Variants in CACNB2 observed in about 807,000 individuals in gnomAD.
CACNB2 encodes the protein calcium voltage-gated channel auxiliary subunit beta 2.
CACNB2 carries 42 observed loss-of-function variants against 73.3 expected under a neutral mutation model. The ratio of observed to expected loss-of-function variants is 0.57; its 90% CI spans 0.45 to 0.74. The LOEUF is 0.74. CACNB2 is among the 30% of genes least tolerant of loss of function. CACNB2 has a pLI of 0.00. For synonymous variants in CACNB2, 348 were observed against 310.3 expected (o/e 1.12, Z -1.28); for missense variants, 940 against 853.0 (o/e 1.10, Z -1.27).
intron 2 of CACNB2, among the ~76,000 whole-genome samples, chr10:18,178,556 T>G (rs1366664832): frequency 6.6e-6 from 1 of 152,188 alleles, no homozygotes; most frequent in African/African-American, 2.4e-5. Flanking sequence ...TTTTTTTAGC[T>G]TAGAGAAAGG....
At chr10:18,182,590 G>C (rs1223650216) in intron 2 of CACNB2, among the ~76,000 whole-genome samples, 3 of 151,710 alleles carry the variant, frequency 2.0e-5, no homozygotes, top group Non-Finnish European at 4.4e-5. Context: ...GGGAGGCAGA[G>C]GTGGGCAGAT....
Position 18,460,463 on chromosome 10 carries a change from A to G in CACNB2, c.334-37892A>G, listed in dbSNP as rs1245778992. 2.6e-5 allele frequency among the ~76,000 whole-genome samples: 4 copies of G among 152,114 alleles called. 1 individual carries two copies. Among genetic ancestry groups the G allele is most frequent in the Non-Finnish European group, 5.9e-5 (4 of 68,020 alleles). On this transcript the variant is annotated intron_variant, in intron 3 of 13. Coordinates refer to ENST00000324631, the MANE Select transcript of CACNB2 (RefSeq NM_201596.3). ...TTCTAATATGTGTAGGGATATTTCA[A>G]AATTATTTCTATTTTTTCCTGTGGG...
At chr10:18,220,805 G>A (rs2131393758) in intron 2 of CACNB2, among the ~76,000 whole-genome samples, 1 of 152,208 alleles carries the variant, frequency 6.6e-6, no homozygotes, top group South Asian at 2.1e-4. Context: ...TTCCTTATGG[G>A]AATCTAATGT....
intron 3 of CACNB2, among the ~76,000 whole-genome samples, chr10:18,413,771 AG>A (rs1242529917): frequency 1.3e-5 from 2 of 152,226 alleles, no homozygotes; most frequent in African/African-American, 4.8e-5. Flanking sequence ...CATTTGTAAA[AG>A]GACACTAACC....
intron 2 of CACNB2, among the ~76,000 whole-genome samples, chr10:18,237,191 A>G (rs2036478891): frequency 6.6e-6 from 1 of 152,162 alleles, no homozygotes. Flanking sequence ...TTCTGGGTTG[A>G]ATTGTGTTCC....
intron 2 of CACNB2, among the ~76,000 whole-genome samples, chr10:18,380,248 C>T (rs1004619634): frequency 1.3e-5 from 2 of 150,518 alleles, no homozygotes; most frequent in Non-Finnish European, 3.0e-5. Context: ...TTTTGAACCA[C>T]CAAATGGCAT....
chr10:18,475,254 T>G (rs1372431798), intron 3 of CACNB2, among the ~76,000 whole-genome samples: 1 of 151,992 alleles, frequency 6.6e-6, no homozygotes, highest in African/African-American at 2.4e-5. Context: ...TTAGGCACCA[T>G]TGACTAAATC....
At chr10:18,349,726 T>TA (rs58519066) in intron 2 of CACNB2, among the ~76,000 whole-genome samples, 66,418 of 145,480 alleles carry the variant, frequency 0.46, 15,275 homozygotes, top group Admixed American at 0.49. Flanking sequence ...GGAGATGATT[T>TA]AAAAAAAAAA....
At chr10:18,232,918 T>G (rs2036277125) in intron 2 of CACNB2, among the ~76,000 whole-genome samples, 1 of 152,128 alleles carries the variant, frequency 6.6e-6, no homozygotes, top group East Asian at 1.9e-4. Flanking sequence ...AAACCCCAAC[T>G]CTACAAAAAG....
At chr10:18,331,171 A>G (rs1014433881) in intron 2 of CACNB2, among the ~76,000 whole-genome samples, 1 of 150,604 alleles carries the variant, frequency 6.6e-6, no homozygotes, top group African/African-American at 2.4e-5. Context: ...TTTTTAGTAG[A>G]GACGGGGTTT....
chr10:18,421,542 C>T (rs1819796943), intron 3 of CACNB2, among the ~76,000 whole-genome samples: 1 of 152,082 alleles, frequency 6.6e-6, no homozygotes, highest in Non-Finnish European at 1.5e-5. Context: ...TCAGGTGATC[C>T]ACCCACCTCA....
chr10:18,305,203 G>A (rs895646447), intron 2 of CACNB2, among the ~76,000 whole-genome samples: 2 of 152,286 alleles, frequency 1.3e-5, no homozygotes, highest in South Asian at 4.1e-4. Context: ...CTACTTCATG[G>A]ACAGTAAATG....
intron 2 of CACNB2, among the ~76,000 whole-genome samples, chr10:18,285,014 G>A (rs2038725254): frequency 6.6e-6 from 1 of 152,266 alleles, no homozygotes; most frequent in Non-Finnish European, 1.5e-5. Flanking sequence ...TGAGCTAAAT[G>A]TATTGGAGAC....
In CACNB2 at chr10:18,232,388, G is replaced by A. The variant is rs148596924; in HGVS notation, c.213+81413G>A. 5.9e-5 allele frequency among the ~76,000 whole-genome samples: 9 copies of A among 152,158 alleles called. 1 individual carries two copies. In the South Asian group the frequency reaches 1.7e-3, roughly 28 times the overall value. On this transcript the variant is annotated intron_variant, in intron 2 of 13. Coordinates refer to ENST00000324631, the MANE Select transcript of CACNB2 (RefSeq NM_201596.3). The stretch of plus-strand genomic sequence containing the variant: ...CTCATCCAAGATCTGAGCACAGACC[G>A]GGCTCCACAGGTCACAGGTTTAACC...
Position 18,140,774 on chromosome 10 carries a change from C to G in CACNB2, c.38C>G (p.Ala13Gly). ...QRDMSKSPPT[A>G]AAAVAQEIQM... ...GACATGTCCAAGTCGCCTCCCACAG[C>G]GGCGGCGGCGGTGGCGCAGGAGATC... is the stretch of plus-strand genomic sequence containing the variant. Residue 13 changes from alanine to glycine, a missense_variant, in exon 1 of 14, where the codon GCG becomes GGG. Coordinates refer to ENST00000324631, the MANE Select transcript of CACNB2 (RefSeq NM_201596.3). 6.3e-7 allele frequency: 1 copy of G among 1,594,286 alleles called. No individual in the cohort carries two copies.
chr10:18,420,733 T>C (rs1032460422), intron 3 of CACNB2, among the ~76,000 whole-genome samples: 2 of 152,208 alleles, frequency 1.3e-5, no homozygotes, highest in African/African-American at 4.8e-5. Flanking sequence ...GACCATAAAA[T>C]TAGCCATCAC....
intron 1 of CACNB2, 130 bp downstream of exon 1, chr10:18,140,986 C>T (rs894021550): frequency 1.5e-5 from 23 of 1,521,364 alleles, no homozygotes; most frequent in Admixed American, 4.1e-5. Flanking sequence ...CCTGCCCACC[C>T]TCTGCTCCTC....
intron 2 of CACNB2, among the ~76,000 whole-genome samples, chr10:18,396,792 T>G (rs942193952): frequency 3.3e-5 from 5 of 152,004 alleles, no homozygotes; most frequent in African/African-American, 1.2e-4. Flanking sequence ...TATTTTAAAA[T>G]ATGTGGGCCT....
intron 3 of CACNB2, among the ~76,000 whole-genome samples, chr10:18,472,036 C>T (rs923924993): frequency 1.3e-5 from 2 of 152,068 alleles, no homozygotes; most frequent in Admixed American, 6.6e-5. Flanking sequence ...ACAGTCATCT[C>T]TCTGGCTCCT....
Sources: gnomAD v4.1 joint callset for allele counts (sites outside exome capture counted in the v4.1 genomes callset) on GRCh38, gnomAD v4.1.1 for gene constraint, MANE v1.5 for transcripts, NCBI Gene and HGNC (gene_info 2026-07-23, HGNC 2026-07-21) for gene names.